Variants in MYO1C observed in about 807,000 individuals in gnomAD.
MYO1C encodes unconventional myosin-Ic.
A neutral mutation model predicts 150.8 loss-of-function variants in MYO1C; 104 were observed. The ratio of observed to expected loss-of-function variants is 0.69; its 90% CI spans 0.59 to 0.81. MYO1C has a LOEUF of 0.81. MYO1C is among the 30% of genes least tolerant of loss of function. MYO1C has a pLI of 0.00. For synonymous variants in MYO1C, 663 were observed against 579.9 expected (o/e 1.14, Z -2.06); for missense variants, 1,504 against 1,435.0 (o/e 1.05, Z -0.78).
chr17:1,477,943 T>C lies in MYO1C; in HGVS notation c.1430A>G (p.Lys477Arg). ...AWEPVQYFNN[K>R]IICDLVEEKF... The stretch of plus-strand genomic sequence containing the variant: ...CTCCTCCACCAGATCACAGATGATT[T>C]TGTTGTTGAAATACTGGACGGGCTC... Residue 477 changes from lysine to arginine, a missense_variant, in exon 13 of 32, where the codon AAA (lysine) becomes AGA (arginine). Transcript: ENST00000648651. 6.2e-7 allele frequency: 1 copy of C among 1,614,080 alleles called. No individual in the cohort carries two copies. Among genetic ancestry groups the C allele is most frequent in the South Asian group, 1.1e-5 (1 of 91,070 alleles).
chr17:1,475,110 G>A, intron 14 of MYO1C, 78 bp from the exon 15 acceptor site: 2 of 1,430,524 alleles, frequency 1.4e-6, no homozygotes, highest in South Asian at 1.2e-5. Flanking sequence ...GGCCTCAGGA[G>A]CAGGAACCAG....
In MYO1C at chr17:1,482,991, G is replaced by C; in HGVS notation, c.416C>G (p.Ser139Cys). 1 of 1,612,700 alleles carries C rather than the reference G, an allele frequency of 6.2e-7. No homozygotes were observed. Among genetic ancestry groups the C allele is most frequent in the Non-Finnish European group, 8.5e-7 (1 of 1,179,928 alleles). Residue 139 changes from serine (S) to cysteine (C), a missense_variant, in exon 4 of 32, where the codon TCT (serine) becomes TGT (cysteine). Coordinates refer to ENST00000648651, the MANE Select transcript of MYO1C (RefSeq NM_001080779.2). ...GGTCTTGCCTGCCCCGCTCTCCCCA[G>C]AGATCATCACAGCCTGGTCCCGACG... is the stretch of plus-strand genomic sequence containing the variant. ...TERRDQAVMI[S>C]GESGAGKTEA... is the part of the protein sequence containing the mutation.
chr17:1,485,825 G>C (rs1311527689), intron 1 of MYO1C: 1 of 433,378 alleles, frequency 2.3e-6, no homozygotes, highest in Admixed American at 7.4e-5. Context: ...GCCCCCACCC[G>C]GGCCCCTGAA....
rs139437310 is a variant in MYO1C at position 1,483,013 on chromosome 17, G to A, written c.394C>T (p.Arg132Trp). Reference protein sequence around the residue: ...TVYRALRTERRDQAVMISGES... With the variant: ...TVYRALRTERWDQAVMISGES... ...CCAGAGATCATCACAGCCTGGTCCC[G>A]ACGCTCCGTGCGCAGTGCTCGGTAC... The change falls in exon 4 of 32, where the codon CGG becomes TGG. Residue 132 changes from arginine to tryptophan, a missense_variant. Arg to Trp is a moderately radical substitution (Grantham distance 101). Transcript: ENST00000648651. 2.8e-4 allele frequency: 447 copies of A among 1,611,868 alleles called. 1 individual carries two copies. The highest frequency in any genetic ancestry group is 2.6e-4 in the Non-Finnish European group (310 of 1,179,886).
At chr17:1,468,539 C>T in intron 25 of MYO1C, 43 bp from the exon 26 acceptor site, 3 of 1,539,778 alleles carry the variant, frequency 1.9e-6, no homozygotes, top group Non-Finnish European at 2.7e-6. Context: ...TGGTGGGGAG[C>T]ACCATCTTGG....
intron 1 of MYO1C, among the ~76,000 whole-genome samples, chr17:1,491,448 C>CA (rs1491196535): frequency 3.0e-4 from 11 of 37,066 alleles, no homozygotes; most frequent in Admixed American, 2.2e-3. Context: ...GGTCGTGGGA[C>CA]CCCCCCCCCC....
chr17:1,486,289 G>C (rs1211506310), intron 1 of MYO1C: 1 of 152,232 alleles, frequency 6.6e-6, no homozygotes, highest in Non-Finnish European at 1.5e-5. Context: ...CTCGAACCCA[G>C]GAAGATCTTG....
chr17:1,478,539 G>A lies in MYO1C; in HGVS notation c.1213-47C>T. 2 of 1,613,676 alleles carry A rather than the reference G, an allele frequency of 1.2e-6. No individual in the cohort carries two copies. The highest frequency in any genetic ancestry group is 3.3e-5 in the Admixed American group (2 of 60,000). On this transcript the variant is annotated intron_variant, in intron 10 of 31. Coordinates refer to ENST00000648651, the MANE Select transcript of MYO1C (RefSeq NM_001080779.2). This position sits in a 1 kb window ranked among gnomAD's most constrained non-coding sequence, Gnocchi z 6.3. Reference sequence around the variant, plus strand: ...AGGCGTGGGCCCCCTGCGCGTGCCAGCCCCACCCTGCAGCACCCCCCGCCT... The same window carrying A: ...AGGCGTGGGCCCCCTGCGCGTGCCAACCCCACCCTGCAGCACCCCCCGCCT...
intron 5 of MYO1C, among the ~76,000 whole-genome samples, chr17:1,481,930 C>A (rs2074531655): frequency 6.6e-6 from 1 of 152,152 alleles, no homozygotes; most frequent in South Asian, 2.1e-4. Flanking sequence ...GCTGTGGCCT[C>A]CGTGCTGTCC....
In MYO1C at chr17:1,474,821, G is replaced by C; in HGVS notation, c.1707C>G (p.Asn569Lys). ...CCCACGTCCTCCTCACCTCCTTAAG[G>C]TTCCGGAAGAGAAGGTCATTGTTTT... ...LDKNNDLLFR[N>K]LKETMCSSKN... Residue 569 changes from asparagine to lysine, a missense_variant, in exon 16 of 32, where the codon AAC becomes AAG. Asn to Lys is a moderately conservative substitution (Grantham distance 94). Coordinates refer to ENST00000648651, the MANE Select transcript of MYO1C (RefSeq NM_001080779.2). 6.2e-7 allele frequency: 1 copy of C among 1,613,918 alleles called. No individual in the cohort carries two copies. Among genetic ancestry groups the C allele is most frequent in the Non-Finnish European group, 8.5e-7 (1 of 1,179,958 alleles).
chr17:1,465,729 C>G lies in MYO1C; in HGVS notation c.3189G>C (p.Arg1063=). ...GAGGGTCCAGTGGGCGCCTTTATCACCGAGAATTCAGCCGTGGGGCGACCT... is the reference window on the plus strand; with the variant it reads ...GAGGGTCCAGTGGGCGCCTTTATCAGCGAGAATTCAGCCGTGGGGCGACCT... ...LAVVAPRLNS[R] The change falls in exon 32 of 32, where the codon CGG becomes CGC. Residue 1063 remains arginine, a synonymous_variant. Coordinates refer to ENST00000648651, the MANE Select transcript of MYO1C (RefSeq NM_001080779.2). The G allele has an allele frequency of 2.3e-6, 3 of 1,324,864 alleles. No individual in the cohort carries two copies. The highest frequency in any genetic ancestry group is 2.9e-6 in the Non-Finnish European group (3 of 1,027,568). The allele number at this position is 1,324,864 out of a possible 1,614,324, so 82.1% of individuals were successfully genotyped here.
chr17:1,491,707 C>G, intron 1 of MYO1C: 1 of 952,626 alleles, frequency 1.0e-6, no homozygotes. Flanking sequence ...GGGGGCCGGG[C>G]CGCAGCCTGT....
intron 14 of MYO1C, 144 bp from the exon 15 acceptor site, chr17:1,475,176 T>C (rs978828248): frequency 1.5e-5 from 12 of 788,438 alleles, no homozygotes; most frequent in Admixed American, 1.0e-4. Flanking sequence ...ATCCCAGCAG[T>C]TGGGGAGGCC....
At chr17:1,480,219 G>A (rs995619841) in intron 7 of MYO1C, among the ~76,000 whole-genome samples, 2 of 151,356 alleles carry the variant, frequency 1.3e-5, no homozygotes, top group African/African-American at 4.9e-5. Flanking sequence ...GGCTGAGGCA[G>A]GCGGATCACC....
At chr17:1,487,671 G>A (rs1276377133) in intron 1 of MYO1C, among the ~76,000 whole-genome samples, 1 of 152,128 alleles carries the variant, frequency 6.6e-6, no homozygotes, top group Non-Finnish European at 1.5e-5. Context: ...TAATCCCAGC[G>A]CTTTCGGAGG....
chr17:1,485,603 G>A (rs2074636699), intron 1 of MYO1C: 1 of 985,350 alleles, frequency 1.0e-6, no homozygotes, highest in Admixed American at 4.8e-5. Context: ...TTCCTGGGCC[G>A]CGCCCGCTTC....
intron 1 of MYO1C, chr17:1,484,886 A>AACCCCCC: frequency 1.7e-4 from 8 of 47,902 alleles, no homozygotes; most frequent in African/African-American, 2.5e-4. Context: ...ACCCAGACCC[A>AACCCCCC]CCCCCACCTC....
intron 16 of MYO1C, 38 bp downstream of exon 16, chr17:1,474,774 T>TCCCCCCCCCCACCCCCCCCCCCC: frequency 1.3e-6 from 2 of 1,597,382 alleles, no homozygotes; most frequent in Non-Finnish European, 1.7e-6. Context: ...CTGTGGGCTA[T>TCCCCCCCCCCACCCCCCCCCCCC]CCCCACCCCC....
chr17:1,482,427 C>A, intron 5 of MYO1C, 51 bp downstream of exon 5: 1 of 1,498,700 alleles, frequency 6.7e-7, no homozygotes, highest in Non-Finnish European at 9.3e-7. Flanking sequence ...GTGCTTCACA[C>A]GTGTAGAGCC....
Sources: gnomAD v4.1 joint callset for allele counts (sites outside exome capture counted in the v4.1 genomes callset) on GRCh38, gnomAD v4.1.1 for gene constraint, Gnocchi (gnomAD v3.1) non-coding constraint, MANE v1.5 for transcripts, NCBI Gene and HGNC (gene_info 2026-07-23, HGNC 2026-07-21) for gene names.